CPS1: variants seen among roughly 807,000 people sequenced by gnomAD.
CPS1 encodes the protein carbamoyl-phosphate synthase [ammonia], mitochondrial.
A neutral mutation model predicts 174.6 loss-of-function variants in CPS1; 109 were observed. That is an observed-to-expected ratio of 0.62 (90% confidence interval 0.53 to 0.73). The LOEUF (loss-of-function observed/expected upper bound fraction) is 0.73, where lower values mean the gene tolerates loss of function less well. Ranked by LOEUF, CPS1 falls within the 30% of genes least tolerant of loss-of-function variation. The pLI is 0.00. For missense variants in CPS1, 1,689 were observed against 1,821.9 expected, an observed-to-expected ratio of 0.93 and a Z score of 1.33; for synonymous variants, 637 against 632.0, an observed-to-expected ratio of 1.01 and a Z score of -0.12.
At chr2:210,635,089 A>G (rs958631068) in intron 21 of CPS1, among the ~76,000 whole-genome samples, 1 of 151,140 alleles carries the variant, frequency 6.6e-6, no homozygotes, top group African/African-American at 2.4e-5. Flanking sequence ...GATTACAGGC[A>G]CCTGCCACTA....
intron 1 of CPS1, among the ~76,000 whole-genome samples, chr2:210,548,299 C>T (rs1696617369): frequency 6.6e-6 from 1 of 152,000 alleles, no homozygotes; most frequent in South Asian, 2.1e-4. Flanking sequence ...TTTTTATACA[C>T]AAATTTTTGA....
At chr2:210,503,014 T>G (rs1695188008) in intron 1 of CPS1, among the ~76,000 whole-genome samples, 1 of 152,166 alleles carries the variant, frequency 6.6e-6, no homozygotes, top group African/African-American at 2.4e-5. Context: ...TTTTAAAAGT[T>G]CTGTATATGG....
At chr2:210,609,861 A>G (rs541272310) in intron 19 of CPS1, among the ~76,000 whole-genome samples, 25 of 152,086 alleles carry the variant, frequency 1.6e-4, no homozygotes, top group Admixed American at 3.3e-4. Flanking sequence ...TCACCAATAC[A>G]GGGAAAAAGA....
intron 1 of CPS1, among the ~76,000 whole-genome samples, chr2:210,568,095 T>C (rs1449084232): frequency 6.6e-6 from 1 of 152,156 alleles, no homozygotes; most frequent in African/African-American, 2.4e-5. Flanking sequence ...AGTTAAAATC[T>C]AGTACGGTAG....
intron 26 of CPS1, 54 bp downstream of exon 26, chr2:210,648,111 C>T: frequency 1.3e-6 from 2 of 1,546,806 alleles, no homozygotes; most frequent in Non-Finnish European, 8.9e-7. Context: ...AGAGCTGCAA[C>T]CTGAATGTTG....
intron 21 of CPS1, chr2:210,619,233 G>T (rs547906515): frequency 6.6e-6 from 1 of 152,238 alleles, no homozygotes; most frequent in Admixed American, 6.5e-5. Flanking sequence ...GGAAGGAGCA[G>T]ACTATGGAGC....
chr2:210,566,361 A>G (rs919994013), intron 1 of CPS1, among the ~76,000 whole-genome samples: 1 of 152,166 alleles, frequency 6.6e-6, no homozygotes, highest in African/African-American at 2.4e-5. Context: ...TCAAGGGCCT[A>G]GGATCAGTGC....
chr2:210,671,923 T>C (rs1701318213), intron 34 of CPS1: 1 of 152,154 alleles, frequency 6.6e-6, no homozygotes, highest in South Asian at 2.1e-4. Flanking sequence ...CTTAATGTTT[T>C]TCGTGGTGAT....
At chr2:210,676,473 T>G (rs968237098) in intron 36 of CPS1, among the ~76,000 whole-genome samples, 6 of 152,226 alleles carry the variant, frequency 3.9e-5, no homozygotes, top group Admixed American at 2.0e-4. Context: ...AGAATGGCTG[T>G]GCCATTCTAT....
intron 1 of CPS1, among the ~76,000 whole-genome samples, chr2:210,493,518 G>A (rs969652963): frequency 1.3e-5 from 2 of 152,170 alleles, no homozygotes; most frequent in Non-Finnish European, 2.9e-5. Context: ...TCCCATGGAT[G>A]TATTAAGTAT....
chr2:210,477,887 G>A (rs1694442092), intron 1 of CPS1: 4 of 1,113,828 alleles, frequency 3.6e-6, no homozygotes, highest in Non-Finnish European at 4.0e-6. Context: ...AATGATTAAA[G>A]GCTATCCATT....
At chr2:210,664,193 G>A (rs577652055) in intron 33 of CPS1, among the ~76,000 whole-genome samples, 2 of 152,188 alleles carry the variant, frequency 1.3e-5, no homozygotes, top group South Asian at 4.2e-4. Flanking sequence ...CACTATGTAC[G>A]TTTCATCTCC....
At chr2:210,573,252 T>C in intron 1 of CPS1, 46 bp from the exon 2 acceptor site, 1 of 1,492,228 alleles carries the variant, frequency 6.7e-7, no homozygotes. Flanking sequence ...TTTTTGTGTG[T>C]TTTGTATTAT....
At chr2:210,513,435 G>A (rs1478900320) in intron 1 of CPS1, among the ~76,000 whole-genome samples, 1 of 151,620 alleles carries the variant, frequency 6.6e-6, no homozygotes, top group Non-Finnish European at 1.5e-5. Flanking sequence ...GTTATGTGGA[G>A]CATTATTTCA....
At chr2:210,666,969 T>G (rs902181041) in intron 33 of CPS1, among the ~76,000 whole-genome samples, 1 of 152,228 alleles carries the variant, frequency 6.6e-6, no homozygotes, top group African/African-American at 2.4e-5. Flanking sequence ...GCATGGAATG[T>G]TCTTCCATTT....
At chr2:210,569,609 C>T (rs150134984) in intron 1 of CPS1, among the ~76,000 whole-genome samples, 3 of 152,172 alleles carry the variant, frequency 2.0e-5, no homozygotes. Flanking sequence ...AGACTGGAGA[C>T]ATTCATCCAT....
intron 21 of CPS1, chr2:210,631,119 A>T (rs557521638): frequency 6.6e-6 from 1 of 151,870 alleles, no homozygotes; most frequent in African/African-American, 2.4e-5. Flanking sequence ...GAGCTTGTGC[A>T]ATCTGGAGGG....
At chr2:210,521,941 G>A (rs1434937286) in intron 1 of CPS1, among the ~76,000 whole-genome samples, 1 of 151,784 alleles carries the variant, frequency 6.6e-6, no homozygotes, top group Non-Finnish European at 1.5e-5. Context: ...CTAATTACTT[G>A]GTAACAGTTT....
intron 34 of CPS1, among the ~76,000 whole-genome samples, chr2:210,670,829 T>C (rs1461538232): frequency 2.0e-5 from 3 of 152,164 alleles, no homozygotes; most frequent in Non-Finnish European, 4.4e-5. Context: ...TTAAATCCAA[T>C]AGGTCAAAGT....
Sources: allele counts gnomAD v4.1 joint callset (sites outside exome capture counted in the v4.1 genomes callset), GRCh38; gene constraint gnomAD v4.1.1; transcripts MANE v1.5; gene names NCBI Gene and HGNC (gene_info 2026-07-23, HGNC 2026-07-21).